HS6ST3: variants seen among roughly 807,000 people sequenced by gnomAD.
HS6ST3 encodes heparan-sulfate 6-O-sulfotransferase 3.
Under a neutral mutation model 36.7 loss-of-function variants are expected in HS6ST3, and 12 were observed. The ratio of observed to expected loss-of-function variants is 0.33; its 90% CI spans 0.21 to 0.53. The LOEUF is 0.53. Among genes scored for constraint, HS6ST3 ranks in the 20% least tolerant of loss-of-function variants. HS6ST3 has a pLI of 0.95. For missense variants in HS6ST3, 584 were observed against 640.9 expected, an observed-to-expected ratio of 0.91 and a Z score of 0.96; for synonymous variants, 240 against 257.5, an observed-to-expected ratio of 0.93 and a Z score of 0.65.
intron 1 of HS6ST3, among the ~76,000 whole-genome samples, chr13:96,405,633 T>C (rs1033161499): frequency 1.3e-5 from 2 of 152,220 alleles, no homozygotes; most frequent in Non-Finnish European, 2.9e-5. Context: ...GCGCATCCTA[T>C]ATTTTCTATA....
intron 1 of HS6ST3, among the ~76,000 whole-genome samples, chr13:96,223,446 G>C (rs1291661875): frequency 6.6e-6 from 1 of 152,172 alleles, no homozygotes; most frequent in Admixed American, 6.5e-5. Flanking sequence ...ACGCCTCACT[G>C]ACACCATTCA....
chr13:96,590,718 G>C (rs1244803406), intron 1 of HS6ST3, among the ~76,000 whole-genome samples: 2 of 152,088 alleles, frequency 1.3e-5, no homozygotes, highest in Admixed American at 1.3e-4. Context: ...GTCCATTTTT[G>C]CTTTGGTTGC....
intron 1 of HS6ST3, among the ~76,000 whole-genome samples, chr13:96,482,390 G>A (rs964821095): frequency 6.6e-6 from 1 of 151,646 alleles, no homozygotes. Context: ...CAAATAGAAT[G>A]TATTTTCTGC....
At chr13:96,812,588 A>G (rs2138536183) in intron 1 of HS6ST3, among the ~76,000 whole-genome samples, 1 of 152,324 alleles carries the variant, frequency 6.6e-6, no homozygotes, top group East Asian at 1.9e-4. Flanking sequence ...GACAATGATG[A>G]TCTATCTGCA....
chr13:96,383,234 T>C (rs186078488), intron 1 of HS6ST3, among the ~76,000 whole-genome samples: 1 of 152,250 alleles, frequency 6.6e-6, no homozygotes, highest in Admixed American at 6.5e-5. Context: ...GGTGGATTGC[T>C]TGAGCTCAGG....
At chr13:96,789,469 A>T (rs1197118081) in intron 1 of HS6ST3, among the ~76,000 whole-genome samples, 1 of 151,898 alleles carries the variant, frequency 6.6e-6, no homozygotes, top group African/African-American at 2.4e-5. Context: ...AACATGAGAA[A>T]AATAGTCCAT....
At chr13:96,451,438 G>T (rs1448543653) in intron 1 of HS6ST3, among the ~76,000 whole-genome samples, 1 of 152,080 alleles carries the variant, frequency 6.6e-6, no homozygotes, top group Non-Finnish European at 1.5e-5. Flanking sequence ...AATGTAAAAT[G>T]CTTTATCTTA....
chr13:96,166,020 G>GGTTA (rs886640121), intron 1 of HS6ST3, among the ~76,000 whole-genome samples: 11 of 139,322 alleles, frequency 7.9e-5, no homozygotes, highest in South Asian at 7.3e-4. Context: ...GGGTGGAAGG[G>GGTTA]GTTATTTATT....
chr13:96,212,752 G>A (rs757829191), intron 1 of HS6ST3, among the ~76,000 whole-genome samples: 1 of 152,058 alleles, frequency 6.6e-6, no homozygotes, highest in African/African-American at 2.4e-5. Context: ...TTTGGGGAGC[G>A]GGAAGACTAG....
At chr13:96,293,005 T>C (rs2054837660) in intron 1 of HS6ST3, among the ~76,000 whole-genome samples, 1 of 152,056 alleles carries the variant, frequency 6.6e-6, no homozygotes. Context: ...TGGTTTCTCT[T>C]TAGAAATGAG....
chr13:96,687,801 C>T (rs1874827549), intron 1 of HS6ST3, among the ~76,000 whole-genome samples: 1 of 151,798 alleles, frequency 6.6e-6, no homozygotes, highest in Admixed American at 6.6e-5. Context: ...AAGAAAAAGC[C>T]AATAAGACAG....
At chr13:96,366,893 G>A (rs1024642751) in intron 1 of HS6ST3, among the ~76,000 whole-genome samples, 1 of 152,110 alleles carries the variant, frequency 6.6e-6, no homozygotes, top group South Asian at 2.1e-4. Context: ...AAGACCTGAT[G>A]GTTTTATAAA....
intron 1 of HS6ST3, among the ~76,000 whole-genome samples, chr13:96,701,806 A>G (rs1057142054): frequency 5.9e-5 from 9 of 152,112 alleles, no homozygotes; most frequent in Middle Eastern, 6.3e-3. Context: ...CAAAAAAAAT[A>G]CAAAAATTAG....
chr13:96,331,434 CTGCCG>C (rs1038773668), intron 1 of HS6ST3, among the ~76,000 whole-genome samples: 47 of 152,244 alleles, frequency 3.1e-4, no homozygotes, highest in African/African-American at 1.1e-3. Context: ...TTGGAATACC[CTGCCG>C]TGTGAGGTGT....
rs1365289529 is a variant in HS6ST3 at position 96,360,775 on chromosome 13, C to T, written c.707+269206C>T. Among the ~76,000 whole-genome samples the T allele has an allele frequency of 3.3e-5, 5 of 151,596 alleles. No individual in the cohort carries two copies. The East Asian group carries it at 9.7e-4, about 29-fold the overall frequency. ...CAGCCAGGCCAACATGGTGAAACCTCGTCTCTACTAAAAATACAAAAATTA... is the reference window on the plus strand; with the variant it reads ...CAGCCAGGCCAACATGGTGAAACCTTGTCTCTACTAAAAATACAAAAATTA... On this transcript the variant is annotated intron_variant, in intron 1 of 1. Coordinates refer to ENST00000376705, the MANE Select transcript of HS6ST3 (RefSeq NM_153456.4).
chr13:96,105,280 G>A (rs61966759), intron 1 of HS6ST3, among the ~76,000 whole-genome samples: 4,005 of 152,138 alleles, frequency 0.026, 61 homozygotes, highest in Non-Finnish European at 0.034. Flanking sequence ...GGAAGTAGGA[G>A]GAGGGAGGGA....
chr13:96,313,858 G>T (rs1342183736), intron 1 of HS6ST3, among the ~76,000 whole-genome samples: 1 of 152,114 alleles, frequency 6.6e-6, no homozygotes, highest in African/African-American at 2.4e-5. Flanking sequence ...CTCTTTAATT[G>T]TAGACGAGAT....
intron 1 of HS6ST3, among the ~76,000 whole-genome samples, chr13:96,748,816 A>G (rs1876626071): frequency 6.6e-6 from 1 of 152,082 alleles, no homozygotes; most frequent in South Asian, 2.1e-4. Context: ...CTTCTTTTAT[A>G]GTGCAACTAG....
At chr13:96,167,034 A>G (rs565853544) in intron 1 of HS6ST3, among the ~76,000 whole-genome samples, 56 of 152,240 alleles carry the variant, frequency 3.7e-4, no homozygotes, top group African/African-American at 1.3e-3. Context: ...AGTCATGCTG[A>G]ACTGGGAGTC....
Sources: gnomAD v4.1 joint callset for allele counts (sites outside exome capture counted in the v4.1 genomes callset) on GRCh38, gnomAD v4.1.1 for gene constraint, MANE v1.5 for transcripts, NCBI Gene and HGNC (gene_info 2026-07-23, HGNC 2026-07-21) for gene names.